Variants in MIPOL1 observed in about 807,000 individuals in gnomAD.
The protein encoded by MIPOL1 is mirror-image polydactyly gene 1 protein.
Under a neutral mutation model 60.9 loss-of-function variants are expected in MIPOL1, and 57 were observed. The ratio of observed to expected loss-of-function variants is 0.94; its 90% confidence interval spans 0.76 to 1.17. The LOEUF is 1.17. MIPOL1 is among the 50% of genes most tolerant of loss of function. The probability of loss-of-function intolerance (pLI) is 0.00; values close to 1 mark genes in which losing one functional copy is unlikely to be tolerated. For missense variants in MIPOL1, 551 were observed against 511.6 expected, an observed-to-expected ratio of 1.08 and a Z score of -0.74; for synonymous variants, 179 against 168.8, an observed-to-expected ratio of 1.06 and a Z score of -0.47.
intron 9 of MIPOL1, among the ~76,000 whole-genome samples, chr14:37,365,427 A>C (rs1011110364): frequency 6.6e-6 from 1 of 152,158 alleles, no homozygotes; most frequent in East Asian, 1.9e-4. Flanking sequence ...AGGGATGTTA[A>C]ATTTCATCAA....
intron 12 of MIPOL1, among the ~76,000 whole-genome samples, chr14:37,534,145 A>C (rs560465180): frequency 6.6e-6 from 1 of 152,102 alleles, no homozygotes; most frequent in South Asian, 2.1e-4. Flanking sequence ...CTGGTTTTCC[A>C]GAAGCAGTGA....
intron 9 of MIPOL1, among the ~76,000 whole-genome samples, chr14:37,309,913 T>G (rs995460153): frequency 6.6e-6 from 1 of 152,078 alleles, no homozygotes; most frequent in African/African-American, 2.4e-5. Flanking sequence ...GGTCTTGAAC[T>G]GCTGACCTCA....
intron 7 of MIPOL1, among the ~76,000 whole-genome samples, chr14:37,295,479 T>C (rs1253320646): frequency 6.6e-6 from 1 of 152,188 alleles, no homozygotes; most frequent in Non-Finnish European, 1.5e-5. Context: ...GTAAATGGGC[T>C]AAATGCTCCA....
In MIPOL1 at chr14:37,405,391, T is replaced by TA. The variant is rs111940160; in HGVS notation, c.937-17459dup. ...GTTCATCAAAGCCTCTTCCTTTGGT[T>TA]AAAAACCATTTTAATTGTCATCTCT... On this transcript the variant is annotated intron_variant, in intron 10 of 12. Transcript: ENST00000684589. 2.3e-3 allele frequency among the ~76,000 whole-genome samples: 347 copies of TA among 152,296 alleles called. 3 individuals carry two copies. The highest frequency in any genetic ancestry group is 7.7e-3 in the African/African-American group (321 of 41,574).
intron 11 of MIPOL1, among the ~76,000 whole-genome samples, chr14:37,462,116 C>T (rs1336207837): frequency 6.6e-6 from 1 of 152,220 alleles, no homozygotes; most frequent in East Asian, 1.9e-4. Flanking sequence ...TCTGCCTGGG[C>T]ATCCAGGCAT....
chr14:37,432,703 A>T (rs2153560000), intron 11 of MIPOL1, among the ~76,000 whole-genome samples: 1 of 152,350 alleles, frequency 6.6e-6, no homozygotes, highest in South Asian at 2.1e-4. Flanking sequence ...AATTAAAAAA[A>T]AAACTTAGGA....
chr14:37,454,418 C>G (rs1402991537), intron 11 of MIPOL1, among the ~76,000 whole-genome samples: 1 of 152,210 alleles, frequency 6.6e-6, no homozygotes, highest in Non-Finnish European at 1.5e-5. Context: ...TTATTTTTGG[C>G]AGTCCTTTTA....
chr14:37,508,130 T>C (rs1203231846), intron 12 of MIPOL1, among the ~76,000 whole-genome samples: 3 of 152,148 alleles, frequency 2.0e-5, no homozygotes, highest in African/African-American at 4.8e-5. Flanking sequence ...GTATTCATAG[T>C]CTCCTTAAAA....
chr14:37,268,800 T>C lies in MIPOL1; in HGVS notation c.387+7T>C. 1 of 1,555,262 alleles carries C rather than the reference T, an allele frequency of 6.4e-7. No homozygotes were observed. The highest frequency in any genetic ancestry group is 8.7e-7 in the Non-Finnish European group (1 of 1,145,074). ...CAGAACAAGCAATAAAAAGGTATAA[T>C]ATGGAAAGTCTGATAATTGTATAGT... On this transcript the variant is annotated splice_region_variant and intron_variant, in intron 5 of 12. Coordinates refer to ENST00000684589, the MANE Select transcript of MIPOL1 (RefSeq NM_001388067.1).
chr14:37,480,058 T>C (rs1021813396), intron 11 of MIPOL1, among the ~76,000 whole-genome samples: 1 of 151,832 alleles, frequency 6.6e-6, no homozygotes, highest in African/African-American at 2.4e-5. Context: ...AAAAATTTCA[T>C]AAAAAGTTGC....
chr14:37,316,273 C>A (rs1043051081), intron 9 of MIPOL1, among the ~76,000 whole-genome samples: 1 of 152,020 alleles, frequency 6.6e-6, no homozygotes, highest in Non-Finnish European at 1.5e-5. Context: ...TCAGGTGATC[C>A]ACCCGCCTTG....
At chr14:37,348,688 C>T (rs2091118272) in intron 9 of MIPOL1, among the ~76,000 whole-genome samples, 1 of 151,860 alleles carries the variant, frequency 6.6e-6, no homozygotes, top group Non-Finnish European at 1.5e-5. Flanking sequence ...GGAAAATTTT[C>T]TTATTACCTC....
intron 9 of MIPOL1, among the ~76,000 whole-genome samples, chr14:37,324,030 G>A (rs1250699573): frequency 6.6e-6 from 1 of 151,926 alleles, no homozygotes. Flanking sequence ...GAGAATTCTT[G>A]TATAGGTCTT....
intron 9 of MIPOL1, among the ~76,000 whole-genome samples, chr14:37,341,504 A>C (rs944556751): frequency 6.6e-6 from 1 of 152,242 alleles, no homozygotes; most frequent in East Asian, 1.9e-4. Flanking sequence ...TCTGTATATC[A>C]GCTAGTTCCT....
At chr14:37,378,363 C>T (rs959923020) in intron 10 of MIPOL1, among the ~76,000 whole-genome samples, 7 of 152,016 alleles carry the variant, frequency 4.6e-5, no homozygotes, top group Non-Finnish European at 8.8e-5. Flanking sequence ...CCTATTGATA[C>T]ACCCATGACT....
At chr14:37,322,121 A>T (rs1457290806) in intron 9 of MIPOL1, among the ~76,000 whole-genome samples, 1 of 152,044 alleles carries the variant, frequency 6.6e-6, no homozygotes, top group Admixed American at 6.6e-5. Context: ...GCATCAATAT[A>T]TTGGCTTCTA....
intron 11 of MIPOL1, among the ~76,000 whole-genome samples, chr14:37,443,975 T>C (rs2094292925): frequency 6.6e-6 from 1 of 152,102 alleles, no homozygotes; most frequent in Admixed American, 6.6e-5. Context: ...GTCTGACTGA[T>C]AAAGAACATC....
intron 3 of MIPOL1, among the ~76,000 whole-genome samples, chr14:37,253,876 T>C (rs530343729): frequency 1.0e-3 from 158 of 151,866 alleles, no homozygotes; most frequent in African/African-American, 3.6e-3. Context: ...ATCTCCAGAT[T>C]AGTGGCATCA....
At chr14:37,212,230 A>G (rs1966862966) in intron 1 of MIPOL1, 1 of 152,170 alleles carries the variant, frequency 6.6e-6, no homozygotes, top group African/African-American at 2.4e-5. Flanking sequence ...TGTACCTTAG[A>G]TACCAGCATT....
Sources: gnomAD v4.1 joint callset for allele counts (sites outside exome capture counted in the v4.1 genomes callset) on GRCh38, gnomAD v4.1.1 for gene constraint, MANE v1.5 for transcripts, NCBI Gene and HGNC (gene_info 2026-07-23, HGNC 2026-07-21) for gene names.